ENTREP2: variants seen among roughly 807,000 people sequenced by gnomAD.
ENTREP2 encodes the protein protein ENTREP2.
chr15:29,641,974 T>TTAAAGAAACTC, the ENTREP2 span, among the ~76,000 whole-genome samples: 2 of 151,868 alleles, frequency 1.3e-5, no homozygotes, highest in African/African-American at 4.8e-5. Context: ...TTGAAAGAGA[T>TTAAAGAAACTC]TAAAGAAACT....
chr15:29,150,654 G>A, the ENTREP2 span, among the ~76,000 whole-genome samples: 1 of 152,146 alleles, frequency 6.6e-6, no homozygotes, highest in Non-Finnish European at 1.5e-5. Context: ...ACAGCTGTGT[G>A]GATATACACC....
chr15:29,462,502 C>G, the ENTREP2 span, among the ~76,000 whole-genome samples: 1 of 151,916 alleles, frequency 6.6e-6, no homozygotes, highest in Non-Finnish European at 1.5e-5. Flanking sequence ...GCCAGCTACT[C>G]GGGAGGCTGA....
chr15:29,132,452 G>A, the ENTREP2 span, among the ~76,000 whole-genome samples: 4 of 152,162 alleles, frequency 2.6e-5, no homozygotes, highest in African/African-American at 9.7e-5. Flanking sequence ...CCAGGCGGGC[G>A]CCCAGGGACA....
the ENTREP2 span, among the ~76,000 whole-genome samples, chr15:29,279,458 G>A: frequency 2.0e-5 from 3 of 151,724 alleles, no homozygotes; most frequent in East Asian, 1.9e-4. Flanking sequence ...TCCACCTCCC[G>A]GGTTCAAGTG....
chr15:29,347,727 A>T, the ENTREP2 span, among the ~76,000 whole-genome samples: 1 of 152,240 alleles, frequency 6.6e-6, no homozygotes, highest in Non-Finnish European at 1.5e-5. Context: ...ACTGGAACAA[A>T]GCATTCACAT....
chr15:29,475,105 C>T, the ENTREP2 span, among the ~76,000 whole-genome samples: 9 of 151,984 alleles, frequency 5.9e-5, no homozygotes, highest in Admixed American at 2.0e-4. Flanking sequence ...CAAAGACATG[C>T]GGCACTGAGC....
At chr15:29,333,119 A>G in the ENTREP2 span, among the ~76,000 whole-genome samples, 1 of 152,172 alleles carries the variant, frequency 6.6e-6, no homozygotes, top group Non-Finnish European at 1.5e-5. Context: ...GAAAGCAGCT[A>G]GAGCCTGAGG....
the ENTREP2 span, among the ~76,000 whole-genome samples, chr15:29,405,519 C>G: frequency 1.3e-5 from 2 of 152,050 alleles, no homozygotes; most frequent in Admixed American, 6.5e-5. Context: ...CCTACCCTTC[C>G]TGCTTCATCC....
At chr15:29,559,057 C>T in the ENTREP2 span, among the ~76,000 whole-genome samples, 2 of 152,070 alleles carry the variant, frequency 1.3e-5, no homozygotes, top group African/African-American at 2.4e-5. Context: ...TAACCGTGTA[C>T]TGTTCAAGGG....
the ENTREP2 span, among the ~76,000 whole-genome samples, chr15:29,370,895 C>T: frequency 5.9e-5 from 9 of 151,982 alleles, no homozygotes; most frequent in Non-Finnish European, 1.0e-4. Context: ...GTCTGGAACA[C>T]ATCATAGAAG....
chr15:29,412,092 T>G, the ENTREP2 span, among the ~76,000 whole-genome samples: 1 of 152,126 alleles, frequency 6.6e-6, no homozygotes, highest in Non-Finnish European at 1.5e-5. Flanking sequence ...TTGTTAAGTC[T>G]TACCCTCCCA....
chr15:29,269,240 T>C, the ENTREP2 span: 5 of 1,613,950 alleles, frequency 3.1e-6, no homozygotes, highest in Admixed American at 1.7e-5. Context: ...TCCAGGGTGT[T>C]GATGAGGATG....
the ENTREP2 span, among the ~76,000 whole-genome samples, chr15:29,388,684 A>G: frequency 6.6e-6 from 1 of 152,196 alleles, no homozygotes; most frequent in Non-Finnish European, 1.5e-5. Context: ...TTGCAGCACT[A>G]TTCACAATAG....
chr15:29,544,834 C>T, the ENTREP2 span, among the ~76,000 whole-genome samples: 5 of 152,220 alleles, frequency 3.3e-5, no homozygotes, highest in East Asian at 7.7e-4. Context: ...TGCTATCTGC[C>T]AAGCAAAGAA....
At chr15:29,201,239 C>T in the ENTREP2 span, among the ~76,000 whole-genome samples, 1 of 152,080 alleles carries the variant, frequency 6.6e-6, no homozygotes, top group Non-Finnish European at 1.5e-5. Context: ...TATATTTGTT[C>T]TTTTCTAATC....
At chr15:29,671,461 C>G in the ENTREP2 span, among the ~76,000 whole-genome samples, 1 of 152,074 alleles carries the variant, frequency 6.6e-6, no homozygotes, top group Non-Finnish European at 1.5e-5. Context: ...TGGGACTGAG[C>G]CCTTGAACCT....
the ENTREP2 span, among the ~76,000 whole-genome samples, chr15:29,413,519 T>C: frequency 1.3e-5 from 2 of 152,322 alleles, no homozygotes; most frequent in Admixed American, 6.5e-5. Flanking sequence ...TTTTGTCTGA[T>C]ATTAAAATGG....
chr15:29,569,102 G>T, the ENTREP2 span, among the ~76,000 whole-genome samples: 4 of 152,174 alleles, frequency 2.6e-5, no homozygotes, highest in Non-Finnish European at 5.9e-5. Context: ...CTGAGCAATA[G>T]ATGTGTGAAA....
At chr15:29,550,681 G>C in the ENTREP2 span, among the ~76,000 whole-genome samples, 1 of 152,148 alleles carries the variant, frequency 6.6e-6, no homozygotes, top group East Asian at 1.9e-4. Flanking sequence ...AAAACCATTA[G>C]AATACAAAGA....
Sources: allele counts gnomAD v4.1 joint callset (sites outside exome capture counted in the v4.1 genomes callset), GRCh38; gene constraint gnomAD v4.1.1; transcripts MANE v1.5; gene names NCBI Gene and HGNC (gene_info 2026-07-23, HGNC 2026-07-21).